Variants in ST18 observed in about 807,000 individuals in gnomAD.
The protein encoded by ST18 is suppression of tumorigenicity 18 protein.
Under a neutral mutation model 110.0 loss-of-function variants are expected in ST18, and 50 were observed. The ratio of observed to expected loss-of-function variants is 0.45; its 90% confidence interval spans 0.36 to 0.58. The LOEUF is 0.58. Ranked by LOEUF, ST18 falls within the 20% of genes least tolerant of loss-of-function variation. ST18 has a pLI of 0.00. For synonymous variants in ST18, 461 were observed against 452.4 expected (o/e 1.02, Z -0.24); for missense variants, 1,306 against 1,280.1 (o/e 1.02, Z -0.31).
At chr8:52,118,781 C>T (rs565809915) in intron 23 of ST18, among the ~76,000 whole-genome samples, 2 of 152,188 alleles carry the variant, frequency 1.3e-5, no homozygotes, top group Admixed American at 1.3e-4. Context: ...TATGAAGACA[C>T]CGAGCCCAGA....
chr8:52,271,925 A>G (rs1356701377), intron 2 of ST18, among the ~76,000 whole-genome samples: 2 of 152,380 alleles, frequency 1.3e-5, no homozygotes, highest in South Asian at 2.1e-4. Flanking sequence ...TCGAAGAGAG[A>G]GCAAGAGGAC....
intron 2 of ST18, among the ~76,000 whole-genome samples, chr8:52,238,550 A>G (rs1451554324): frequency 6.6e-6 from 1 of 152,192 alleles, no homozygotes; most frequent in Non-Finnish European, 1.5e-5. Context: ...TGTTTTTTGT[A>G]GCACATTAGT....
chr8:52,338,172 C>T (rs1813046512), intron 2 of ST18, among the ~76,000 whole-genome samples: 1 of 152,130 alleles, frequency 6.6e-6, no homozygotes. Flanking sequence ...AATTATCCTG[C>T]CTCAGCCTCC....
chr8:52,122,033 A>G (rs761558711), intron 23 of ST18, among the ~76,000 whole-genome samples: 37 of 152,226 alleles, frequency 2.4e-4, no homozygotes, highest in Non-Finnish European at 4.7e-4. Context: ...TTTAGTAAAG[A>G]CAGAGTTTCA....
chr8:52,165,113 A>G (rs751976725), intron 12 of ST18, 22 bp downstream of exon 12: 2 of 1,611,544 alleles, frequency 1.2e-6, no homozygotes. Context: ...ATGCAAAATG[A>G]TTATCATCTA....
At chr8:52,395,273 T>C (rs538985082) in intron 2 of ST18, among the ~76,000 whole-genome samples, 27 of 152,286 alleles carry the variant, frequency 1.8e-4, no homozygotes, top group African/African-American at 5.8e-4. Flanking sequence ...GCTTTGTTCA[T>C]TGAGCATATA....
chr8:52,359,499 T>C (rs1824724209), intron 2 of ST18, among the ~76,000 whole-genome samples: 1 of 152,134 alleles, frequency 6.6e-6, no homozygotes, highest in African/African-American at 2.4e-5. Flanking sequence ...ATAACTAACG[T>C]GTTGAAAACT....
At chr8:52,286,536 C>T (rs1314290952) in intron 2 of ST18, among the ~76,000 whole-genome samples, 1 of 152,016 alleles carries the variant, frequency 6.6e-6, no homozygotes, top group African/African-American at 2.4e-5. Flanking sequence ...TGATCATCTC[C>T]TTTATTGCAA....
intron 2 of ST18, chr8:52,403,542 G>A (rs1437231589): frequency 6.6e-6 from 1 of 152,258 alleles, no homozygotes; most frequent in Non-Finnish European, 1.5e-5. Flanking sequence ...TCCTGGTTCT[G>A]AGCTGAATAA....
chr8:52,251,645 C>A (rs2094314108), intron 2 of ST18, among the ~76,000 whole-genome samples: 1 of 151,958 alleles, frequency 6.6e-6, no homozygotes, highest in African/African-American at 2.4e-5. Flanking sequence ...TCAATTGGTC[C>A]AGATTTCAGT....
intron 8 of ST18, among the ~76,000 whole-genome samples, chr8:52,181,712 C>T (rs2069660747): frequency 6.6e-6 from 1 of 152,068 alleles, no homozygotes; most frequent in Admixed American, 6.6e-5. Context: ...CAAACACCAC[C>T]ATGATAAGAA....
intron 2 of ST18, among the ~76,000 whole-genome samples, chr8:52,357,679 A>C (rs6473715): frequency 0.26 from 5,030 of 19,704 alleles, 385 homozygotes; most frequent in African/African-American, 0.4. Context: ...ATCTATAAAT[A>C]TATATATATA....
intron 2 of ST18, among the ~76,000 whole-genome samples, chr8:52,337,884 C>T (rs573116690): frequency 6.6e-6 from 1 of 152,132 alleles, no homozygotes; most frequent in Non-Finnish European, 1.5e-5. Flanking sequence ...AAGAGGTTTT[C>T]CTTCTGTTTC....
At chr8:52,146,899 A>G (rs2132306159) in intron 16 of ST18, among the ~76,000 whole-genome samples, 1 of 152,326 alleles carries the variant, frequency 6.6e-6, no homozygotes, top group Middle Eastern at 3.4e-3. Context: ...TTTCCCAACC[A>G]ATGAATCACC....
chr8:52,150,309 C>T (rs1206645079), intron 15 of ST18, among the ~76,000 whole-genome samples: 1 of 151,940 alleles, frequency 6.6e-6, no homozygotes, highest in Non-Finnish European at 1.5e-5. Flanking sequence ...TATACACATA[C>T]ACACACATTT....
At chr8:52,262,086 G>GT in intron 2 of ST18, among the ~76,000 whole-genome samples, 1 of 152,208 alleles carries the variant, frequency 6.6e-6, no homozygotes, top group Admixed American at 6.5e-5. Context: ...CCTTCTTGCT[G>GT]TGTCAAAACA....
intron 3 of ST18, among the ~76,000 whole-genome samples, chr8:52,227,834 G>A (rs935611874): frequency 3.3e-5 from 5 of 152,152 alleles, no homozygotes; most frequent in African/African-American, 1.2e-4. Context: ...CCTGATATTA[G>A]CTTGTCCAGG....
At chr8:52,158,374 T>C (rs1218857507) in intron 15 of ST18, among the ~76,000 whole-genome samples, 7 of 152,214 alleles carry the variant, frequency 4.6e-5, no homozygotes, top group African/African-American at 1.2e-4. Context: ...TGTTCTACCA[T>C]GTGTCTCTGG....
At chr8:52,137,207 C>T (rs1347120716) in intron 18 of ST18, among the ~76,000 whole-genome samples, 1 of 152,182 alleles carries the variant, frequency 6.6e-6, no homozygotes, top group Admixed American at 6.5e-5. Flanking sequence ...CTCAACTTTT[C>T]ACTTATAACC....
Sources: allele counts gnomAD v4.1 joint callset (sites outside exome capture counted in the v4.1 genomes callset), GRCh38; gene constraint gnomAD v4.1.1; transcripts MANE v1.5; gene names NCBI Gene and HGNC (gene_info 2026-07-23, HGNC 2026-07-21).